PLCB1: variants seen among roughly 807,000 people sequenced by gnomAD.
PLCB1 encodes the protein phospholipase C beta 1.
PLCB1 carries 46 observed loss-of-function variants against 161.8 expected under a neutral mutation model. That is an observed-to-expected ratio of 0.28 (90% CI 0.22 to 0.36). PLCB1 has a LOEUF of 0.36. PLCB1 is among the 10% of genes least tolerant of loss of function. PLCB1 has a pLI of 1.00. For synonymous variants in PLCB1, 517 were observed against 503.7 expected (o/e 1.03, Z -0.35); for missense variants, 1,016 against 1,472.5 (o/e 0.69, Z 5.07).
chr20:8,457,799 G>A (rs1447972423), intron 3 of PLCB1, among the ~76,000 whole-genome samples: 1 of 151,270 alleles, frequency 6.6e-6, no homozygotes, highest in Non-Finnish European at 1.5e-5. Flanking sequence ...ACTACTCCTG[G>A]CATGCTGTCT....
At chr20:8,837,271 C>T (rs376793293) in intron 31 of PLCB1, among the ~76,000 whole-genome samples, 6 of 152,100 alleles carry the variant, frequency 3.9e-5, no homozygotes, top group African/African-American at 9.6e-5. Context: ...CAAAGAGGCC[C>T]CTAAAGGTGA....
intron 3 of PLCB1, among the ~76,000 whole-genome samples, chr20:8,589,505 G>A (rs977147362): frequency 7.2e-5 from 11 of 151,962 alleles, no homozygotes; most frequent in Non-Finnish European, 1.6e-4. Flanking sequence ...GCAGATTTGG[G>A]GTCTGATGAG....
At chr20:8,263,583 T>C (rs1981814414) in intron 2 of PLCB1, among the ~76,000 whole-genome samples, 1 of 152,206 alleles carries the variant, frequency 6.6e-6, no homozygotes, top group Non-Finnish European at 1.5e-5. Flanking sequence ...ACTGAACTTA[T>C]GCAAACCTAG....
chr20:8,876,584 C>G (rs1178077482), intron 31 of PLCB1, among the ~76,000 whole-genome samples: 1 of 152,108 alleles, frequency 6.6e-6, no homozygotes, highest in African/African-American at 2.4e-5. Flanking sequence ...TAACAACCAA[C>G]CATAAAAATC....
At chr20:8,409,256 G>A (rs568761738) in intron 3 of PLCB1, among the ~76,000 whole-genome samples, 2 of 152,188 alleles carry the variant, frequency 1.3e-5, no homozygotes, top group African/African-American at 2.4e-5. Flanking sequence ...CTTTCTACAA[G>A]TAGGGTCTTG....
At chr20:8,780,361 T>C (rs1368652929) in intron 27 of PLCB1, among the ~76,000 whole-genome samples, 1 of 152,184 alleles carries the variant, frequency 6.6e-6, no homozygotes, top group African/African-American at 2.4e-5. Context: ...TTGTCTTCTT[T>C]CTTCTTCCTC....
chr20:8,800,455 A>T (rs1410074694), intron 31 of PLCB1, among the ~76,000 whole-genome samples: 2 of 152,154 alleles, frequency 1.3e-5, no homozygotes, highest in East Asian at 3.8e-4. Flanking sequence ...ACACACACAC[A>T]TATACACAAT....
chr20:8,188,787 A>G lies in PLCB1; in HGVS notation c.177+38416A>G, dbSNP rs576065657. On this transcript the variant is annotated intron_variant, in intron 2 of 31. Coordinates refer to ENST00000338037, the MANE Select transcript of PLCB1 (RefSeq NM_015192.4). Reference sequence around the variant, plus strand: ...TCTTATAAAATGTGCTAAAGAGTCAAACGTTAACATATCAGCTTTGAATAT... The same window carrying G: ...TCTTATAAAATGTGCTAAAGAGTCAGACGTTAACATATCAGCTTTGAATAT... Among the ~76,000 whole-genome samples the G allele has an allele frequency of 3.3e-5, 5 of 152,284 alleles. No homozygotes were observed. The East Asian group carries it at 9.7e-4, about 29-fold the overall frequency.
chr20:8,203,241 C>T (rs1001419838), intron 2 of PLCB1, among the ~76,000 whole-genome samples: 22 of 151,322 alleles, frequency 1.5e-4, no homozygotes, highest in African/African-American at 3.4e-4. Flanking sequence ...AACGTGGGAC[C>T]GACATAAGAA....
intron 2 of PLCB1, among the ~76,000 whole-genome samples, chr20:8,320,512 G>T (rs1003104504): frequency 6.6e-6 from 1 of 152,176 alleles, no homozygotes; most frequent in Non-Finnish European, 1.5e-5. Context: ...AAAGCTCCAG[G>T]CTCAGAACCC....
chr20:8,678,946 T>G (rs567584605), intron 9 of PLCB1, among the ~76,000 whole-genome samples: 1 of 152,176 alleles, frequency 6.6e-6, no homozygotes, highest in Non-Finnish European at 1.5e-5. Context: ...TCGTGTTATA[T>G]GCACTAAGAA....
intron 31 of PLCB1, among the ~76,000 whole-genome samples, chr20:8,839,953 C>G (rs1469546140): frequency 2.6e-5 from 4 of 151,734 alleles, no homozygotes; most frequent in African/African-American, 9.7e-5. Flanking sequence ...ATCGCTTGAA[C>G]CCAAGAGATG....
chr20:8,254,567 GAA>G (rs11476371), intron 2 of PLCB1, among the ~76,000 whole-genome samples: 1 of 149,892 alleles, frequency 6.7e-6, no homozygotes, highest in Admixed American at 6.7e-5. Context: ...GCTTAATCAA[GAA>G]AAAAAAAGGC....
intron 3 of PLCB1, among the ~76,000 whole-genome samples, chr20:8,388,288 A>C (rs1335442683): frequency 6.6e-6 from 1 of 152,182 alleles, no homozygotes; most frequent in East Asian, 1.9e-4. Context: ...ATAGCTCATC[A>C]TAGAATCTGG....
chr20:8,577,228 G>A (rs1986697577), intron 3 of PLCB1, among the ~76,000 whole-genome samples: 1 of 150,288 alleles, frequency 6.7e-6, no homozygotes, highest in Non-Finnish European at 1.5e-5. Flanking sequence ...GGGAGATCGA[G>A]ACCATCCTGG....
intron 3 of PLCB1, among the ~76,000 whole-genome samples, chr20:8,541,588 G>T (rs574146079): frequency 7.3e-5 from 11 of 150,632 alleles, no homozygotes; most frequent in South Asian, 2.1e-4. Flanking sequence ...AAGAAAGAAA[G>T]AAAGAAAGAA....
chr20:8,415,270 A>G lies in PLCB1; in HGVS notation c.246+43820A>G, dbSNP rs545927967. ...GGAAGGGCATTAAGGTTTACTCAGCATCTCTAGTTGCAGCTGGATGTGTAC... is the reference window on the plus strand; with the variant it reads ...GGAAGGGCATTAAGGTTTACTCAGCGTCTCTAGTTGCAGCTGGATGTGTAC... On this transcript the variant is annotated intron_variant, in intron 3 of 31. Coordinates refer to ENST00000338037, the MANE Select transcript of PLCB1 (RefSeq NM_015192.4). 1.5e-3 allele frequency among the ~76,000 whole-genome samples: 227 copies of G among 152,354 alleles called. 1 individual carries two copies. Among genetic ancestry groups the G allele is most frequent in the African/African-American group, 5.3e-3 (220 of 41,576 alleles).
intron 3 of PLCB1, among the ~76,000 whole-genome samples, chr20:8,506,849 T>C (rs923606107): frequency 6.6e-6 from 1 of 152,196 alleles, no homozygotes; most frequent in African/African-American, 2.4e-5. Context: ...CTTTTTAAAA[T>C]AGTTTTAATA....
intron 3 of PLCB1, among the ~76,000 whole-genome samples, chr20:8,425,716 CT>C (rs1385179406): frequency 6.6e-6 from 1 of 152,184 alleles, no homozygotes; most frequent in Non-Finnish European, 1.5e-5. Flanking sequence ...TGTAAACTCC[CT>C]AGGCAATGAG....
Sources: gnomAD v4.1 joint callset for allele counts (sites outside exome capture counted in the v4.1 genomes callset) on GRCh38, gnomAD v4.1.1 for gene constraint, MANE v1.5 for transcripts, NCBI Gene and HGNC (gene_info 2026-07-23, HGNC 2026-07-21) for gene names.